TTC33: variants seen among roughly 807,000 people sequenced by gnomAD.
The protein encoded by TTC33 is tetratricopeptide repeat domain 33, also known as tetratricopeptide repeat protein 33.
A neutral mutation model predicts 29.4 loss-of-function variants in TTC33; 24 were observed. That is an observed-to-expected ratio of 0.82 (90% CI 0.59 to 1.15). The LOEUF (loss-of-function observed/expected upper bound fraction) is 1.15, where lower values mean the gene tolerates loss of function less well. Ranked by LOEUF, TTC33 falls within the 50% of genes most tolerant of loss-of-function variation. The pLI is 0.00. For synonymous variants in TTC33, 107 were observed against 100.3 expected (o/e 1.07, Z -0.40); for missense variants, 286 against 310.4 (o/e 0.92, Z 0.59).
At chr5:40,738,471 A>C in intron 2 of TTC33, among the ~76,000 whole-genome samples, 1 of 136,598 alleles carries the variant, frequency 7.3e-6, no homozygotes, top group African/African-American at 2.8e-5. Context: ...ATACAATACA[A>C]TACAATACAA....
intron 2 of TTC33, among the ~76,000 whole-genome samples, chr5:40,740,087 C>T (rs532384370): frequency 2.9e-4 from 44 of 151,936 alleles, no homozygotes; most frequent in African/African-American, 1.1e-3. Flanking sequence ...TCCATTTATC[C>T]CTTCATGCTA....
rs147595572 is a variant in TTC33 at position 40,718,665 on chromosome 5, G to A, written c.436-2167C>T. Among the ~76,000 whole-genome samples the A allele has an allele frequency of 5.5e-3, 839 of 152,168 alleles. 7 individuals are homozygous for A. Among genetic ancestry groups the A allele is most frequent in the African/African-American group, 0.02 (810 of 41,496 alleles). ...AGGCATGAGAATCGCTTGAACCCAG[G>A]AGGCAGAGGTTGCAGTGAGCCGAGA... On this transcript the variant is annotated intron_variant, in intron 4 of 4. Coordinates refer to ENST00000337702, the MANE Select transcript of TTC33 (RefSeq NM_012382.3).
intron 1 of TTC33, among the ~76,000 whole-genome samples, chr5:40,753,018 G>A (rs561273949): frequency 3.3e-5 from 5 of 152,246 alleles, no homozygotes; most frequent in Middle Eastern, 3.4e-3. Flanking sequence ...ATTGTGAGTC[G>A]TATGTCTGAG....
chr5:40,746,418 G>C (rs1265488004), intron 2 of TTC33, among the ~76,000 whole-genome samples: 1 of 151,942 alleles, frequency 6.6e-6, no homozygotes, highest in African/African-American at 2.4e-5. Context: ...AAGCTATTCA[G>C]GAAATGCCTA....
intron 4 of TTC33, among the ~76,000 whole-genome samples, chr5:40,726,160 T>TACAC (rs10558244): frequency 8.1e-5 from 12 of 148,144 alleles, no homozygotes; most frequent in African/African-American, 3.0e-4. Context: ...TATATATATA[T>TACAC]ACACACACAC....
rs1741958594 is a variant in TTC33 at position 40,714,389 on chromosome 5, A to G, written c.*1756T>C. The G allele has an allele frequency of 6.6e-6, 1 of 152,196 alleles. No homozygotes were observed. The highest frequency in any genetic ancestry group is 2.1e-4 in the South Asian group (1 of 4,834). The allele number at this position is 152,196 out of a possible 1,614,324, so 9.4% of individuals were successfully genotyped here. A position where few individuals can be genotyped will look rare whatever the true frequency, so the allele number is the denominator to read the frequency against. On this transcript the variant is annotated 3_prime_UTR_variant, in exon 5 of 5. Coordinates refer to ENST00000337702, the MANE Select transcript of TTC33 (RefSeq NM_012382.3). ...GCACCATGCAAGGTACTTTAAATAT[A>G]TTAAGTTCATATAAGAAAGACACTA...
In TTC33 at chr5:40,716,054, T is replaced by C; in HGVS notation, c.*91A>G. 1 of 1,079,442 alleles carries C rather than the reference T, an allele frequency of 9.3e-7. No individual in the cohort carries two copies. Among genetic ancestry groups the C allele is most frequent in the South Asian group, 1.8e-5 (1 of 54,882 alleles). The allele number at this position is 1,079,442 out of a possible 1,614,324, so 66.9% of individuals were successfully genotyped here. A position where few individuals can be genotyped will look rare whatever the true frequency, so the allele number is the denominator to read the frequency against. Reference sequence around the variant, plus strand: ...AAAAACATATTTTACAACCAGGCGTTCTCCTATCTATCTCCAGAGTAAATG... The same window carrying C: ...AAAAACATATTTTACAACCAGGCGTCCTCCTATCTATCTCCAGAGTAAATG... On this transcript the variant is annotated 3_prime_UTR_variant, in exon 5 of 5. Coordinates refer to ENST00000337702, the MANE Select transcript of TTC33 (RefSeq NM_012382.3).
intron 2 of TTC33, among the ~76,000 whole-genome samples, chr5:40,737,216 G>A (rs1025301983): frequency 6.6e-6 from 1 of 151,728 alleles, no homozygotes; most frequent in African/African-American, 2.4e-5. Context: ...AGAATCACTT[G>A]AACCTGGAAA....
intron 4 of TTC33, among the ~76,000 whole-genome samples, chr5:40,720,718 T>C (rs1425513133): frequency 6.6e-6 from 1 of 152,040 alleles, no homozygotes; most frequent in African/African-American, 2.4e-5. Context: ...ACTGAAAGGC[T>C]CCTGCACCCT....
intron 4 of TTC33, 74 bp from the exon 5 acceptor site, chr5:40,716,572 G>A (rs1579666162): frequency 1.3e-5 from 12 of 954,950 alleles, no homozygotes; most frequent in East Asian, 7.2e-5. Context: ...GTGTGTTTAC[G>A]TACATATATA....
chr5:40,723,813 C>T (rs186640446), intron 4 of TTC33, among the ~76,000 whole-genome samples: 7 of 151,556 alleles, frequency 4.6e-5, no homozygotes, highest in African/African-American at 9.7e-5. Context: ...TACAGTGAGC[C>T]GAGATCACAC....
chr5:40,719,135 C>T (rs1452089864), intron 4 of TTC33, among the ~76,000 whole-genome samples: 1 of 152,148 alleles, frequency 6.6e-6, no homozygotes, highest in East Asian at 1.9e-4. Flanking sequence ...TATTCACAGT[C>T]ACACAGCCAT....
chr5:40,751,767 G>A (rs141462723), intron 1 of TTC33, among the ~76,000 whole-genome samples: 2 of 152,218 alleles, frequency 1.3e-5, no homozygotes, highest in Non-Finnish European at 2.9e-5. Flanking sequence ...GACCATCCTG[G>A]CCAACATGGT....
chr5:40,745,810 C>G (rs144958603), intron 2 of TTC33, among the ~76,000 whole-genome samples: 4,100 of 151,906 alleles, frequency 0.027, 59 homozygotes, highest in Middle Eastern at 0.058. Context: ...TCATAGCTCA[C>G]CGCATCCTCG....
At chr5:40,749,182 A>G (rs1742851675) in intron 1 of TTC33, among the ~76,000 whole-genome samples, 1 of 152,222 alleles carries the variant, frequency 6.6e-6, no homozygotes, top group Non-Finnish European at 1.5e-5. Context: ...GAGAGGATAA[A>G]TGATAAAACA....
intron 2 of TTC33, among the ~76,000 whole-genome samples, chr5:40,734,997 G>A (rs754067687): frequency 1.3e-5 from 2 of 152,178 alleles, no homozygotes; most frequent in African/African-American, 4.8e-5. Context: ...GTGACAAAAC[G>A]TGGTCAGACA....
intron 4 of TTC33, among the ~76,000 whole-genome samples, chr5:40,722,959 C>A (rs1354039928): frequency 6.6e-6 from 1 of 152,120 alleles, no homozygotes; most frequent in Non-Finnish European, 1.5e-5. Context: ...TCATTGAGAG[C>A]GGGCCATGAT....
chr5:40,751,230 C>G (rs1742889032), intron 1 of TTC33, among the ~76,000 whole-genome samples: 1 of 149,290 alleles, frequency 6.7e-6, no homozygotes, highest in African/African-American at 2.4e-5. Flanking sequence ...GATCCATGGG[C>G]TGAGGAAAAG....
At chr5:40,718,001 G>T (rs1742038787) in intron 4 of TTC33, among the ~76,000 whole-genome samples, 1 of 151,748 alleles carries the variant, frequency 6.6e-6, no homozygotes, top group Admixed American at 6.6e-5. Context: ...GGCGGAGGTT[G>T]CAGTGAGCCA....
Sources: allele counts gnomAD v4.1 joint callset (sites outside exome capture counted in the v4.1 genomes callset), GRCh38; gene constraint gnomAD v4.1.1; transcripts MANE v1.5; gene names NCBI Gene and HGNC (gene_info 2026-07-23, HGNC 2026-07-21).